The following MAFG variants were observed in gnomAD, a reference collection of about 807,000 sequenced individuals.
The protein encoded by MAFG is MAF bZIP transcription factor G.
Under a neutral mutation model 12.2 loss-of-function variants are expected in MAFG, and 3 were observed. The observed-to-expected ratio is 0.25, with a 90% CI of 0.11 to 0.64. The LOEUF is 0.64. Ranked by LOEUF, MAFG falls within the 30% of genes least tolerant of loss-of-function variation. The pLI is 0.85. For missense variants in MAFG, 153 were observed against 235.5 expected (o/e 0.65, Z 2.29); for synonymous variants, 126 against 109.1 (o/e 1.15, Z -0.96).
upstream of MAFG, chr17:81,928,492 G>C (rs569831079): frequency 2.1e-4 from 32 of 152,362 alleles, no homozygotes; most frequent in African/African-American, 6.5e-4. The surrounding 1 kb of genome is among the most constrained non-coding windows in gnomAD (Gnocchi z 8.1). Flanking sequence ...GTCCTCCTGG[G>C]CTCCGTCCAT....
rs1191021969 is a variant in MAFG at position 81,923,221 on chromosome 17, G to A, written c.-29-7C>T. ...CACAGCGAGCAGGCGCTCTCTGCAAGACACGGAGCAGGTCAGTACCCTGGA... is the reference window on the plus strand; with the variant it reads ...CACAGCGAGCAGGCGCTCTCTGCAAAACACGGAGCAGGTCAGTACCCTGGA... On this transcript the variant is annotated splice_polypyrimidine_tract_variant and splice_region_variant and intron_variant, in intron 1 of 2. Coordinates refer to ENST00000357736, the MANE Select transcript of MAFG (RefSeq NM_002359.4). 1.3e-6 allele frequency: 2 copies of A among 1,487,786 alleles called. No homozygotes were observed. The highest frequency in any genetic ancestry group is 1.8e-6 in the Non-Finnish European group (2 of 1,101,198). The allele number at this position is 1,487,786 out of a possible 1,614,324, so 92.2% of individuals were successfully genotyped here.
chr17:81,922,369 G>T lies in MAFG; in HGVS notation c.*236C>A. Reference sequence around the variant, plus strand: ...GCCCTGGTACAAAAGGGGTTGGGGCGACCCCACGTCACCGCCGAACTGACC... The same window carrying T: ...GCCCTGGTACAAAAGGGGTTGGGGCTACCCCACGTCACCGCCGAACTGACC... On this transcript the variant is annotated 3_prime_UTR_variant, in exon 3 of 3. Transcript: ENST00000357736. 1 of 360,800 alleles carries T rather than the reference G, an allele frequency of 2.8e-6. No individual in the cohort carries two copies. The highest frequency in any genetic ancestry group is 4.4e-5 in the East Asian group (1 of 22,848). 22.3% of individuals were successfully genotyped at this position (360,800 alleles called of 1,614,324 possible).
At chr17:81,927,006 GA>G (rs1162470580) in intron 1 of MAFG, among the ~76,000 whole-genome samples, 1 of 152,140 alleles carries the variant, frequency 6.6e-6, no homozygotes, top group African/African-American at 2.4e-5. Context: ...GCACGCGACT[GA>G]CGGAACCCGA....
Position 81,921,753 on chromosome 17 carries a change from A to G in MAFG, c.*852T>C, listed in dbSNP as rs2040891826. 6.7e-6 allele frequency: 1 copy of G among 148,252 alleles called. No homozygotes were observed. Among genetic ancestry groups the G allele is most frequent in the African/African-American group, 2.5e-5 (1 of 39,912 alleles). 9.2% of individuals were successfully genotyped at this position (148,252 alleles called of 1,614,324 possible). On this transcript the variant is annotated 3_prime_UTR_variant, in exon 3 of 3. Coordinates refer to ENST00000357736, the MANE Select transcript of MAFG (RefSeq NM_002359.4). Reference sequence around the variant, plus strand: ...ATACTTTCTTCCCTTTTCCATTCATATGGTCAAATGGTCTTCTTGCTTGTT... The same window carrying G: ...ATACTTTCTTCCCTTTTCCATTCATGTGGTCAAATGGTCTTCTTGCTTGTT...
At position 81,922,534 on chromosome 17, in the gene MAFG, A is replaced by T; in HGVS notation, c.*71T>A. ...GAGGAAAGAGAAGAGAAGGAAACAG[A>T]GGGACAGGGCAGCCAAATTCGCCAT... On this transcript the variant is annotated 3_prime_UTR_variant, in exon 3 of 3. Transcript: ENST00000357736. The T allele has an allele frequency of 8.6e-7, 1 of 1,168,962 alleles. No homozygotes were observed. The highest frequency in any genetic ancestry group is 1.1e-6 in the Non-Finnish European group (1 of 871,136). The allele number at this position is 1,168,962 out of a possible 1,614,324, so 72.4% of individuals were successfully genotyped here.
At chr17:81,927,155 C>T (rs1159409804) in intron 1 of MAFG, among the ~76,000 whole-genome samples, 3 of 151,686 alleles carry the variant, frequency 2.0e-5, no homozygotes, top group Non-Finnish European at 4.4e-5. Flanking sequence ...GCCGCCGGGC[C>T]CTGGCGCGGA....
At chr17:81,927,481 G>C (rs1448498910) in intron 1 of MAFG, 47 bp downstream of exon 1, 9 of 145,584 alleles carry the variant, frequency 6.2e-5, no homozygotes, top group African/African-American at 2.2e-4. Context: ...CGCCGCCCCC[G>C]CCGCGCCGCC....
upstream of MAFG, among the ~76,000 whole-genome samples, chr17:81,929,150 C>T (rs963758704): frequency 1.3e-5 from 2 of 152,232 alleles, no homozygotes; most frequent in South Asian, 2.1e-4. This position sits in a 1 kb window ranked among gnomAD's most constrained non-coding sequence, Gnocchi z 5.7. Context: ...GGGTCGAGCC[C>T]GCTCTCATTT....
rs1437205758 is a variant in MAFG at position 81,924,957 on chromosome 17, T to C, written c.-29-1743A>G. 2.0e-5 allele frequency among the ~76,000 whole-genome samples: 3 copies of C among 152,224 alleles called. No individual in the cohort carries two copies. The highest frequency in any genetic ancestry group is 4.4e-5 in the Non-Finnish European group (3 of 68,030). On this transcript the variant is annotated intron_variant, in intron 1 of 2. Coordinates refer to ENST00000357736, the MANE Select transcript of MAFG (RefSeq NM_002359.4). The surrounding 1 kb of genome is among the most constrained non-coding windows in gnomAD (Gnocchi z 4.7). ...GGAAAAGTGCCTCCTCGACAGATTT[T>C]GCCCTCCGCAGAAGGCCTGAACTCA...
At chr17:81,929,319 G>T (rs1450226938), upstream of MAFG, among the ~76,000 whole-genome samples, 1 of 152,198 alleles carries the variant, frequency 6.6e-6, no homozygotes. The surrounding 1 kb of genome is among the most constrained non-coding windows in gnomAD (Gnocchi z 5.7). Flanking sequence ...AGGCTCCTTT[G>T]CTGCCCCTCA....
rs146749740 is a variant in MAFG at position 81,925,678 on chromosome 17, G to A, written c.-30+1850C>T. On this transcript the variant is annotated intron_variant, in intron 1 of 2. Transcript: ENST00000357736. ...AAAAAAATAGCCGGGCGTCGTGGTG[G>A]GCGCCTGTAGTCCCAGCTACTCGGG... 6.7e-3 allele frequency among the ~76,000 whole-genome samples: 1,017 copies of A among 152,028 alleles called. 11 individuals are homozygous for A. Among genetic ancestry groups the A allele is most frequent in the African/African-American group, 0.024 (984 of 41,446 alleles).
At position 81,921,132 on chromosome 17, in the gene MAFG, TA is replaced by T. The variant is rs2040884891; in HGVS notation, c.*1472del. On this transcript the variant is annotated 3_prime_UTR_variant, in exon 3 of 3. Coordinates refer to ENST00000357736, the MANE Select transcript of MAFG (RefSeq NM_002359.4). Reference sequence around the variant, plus strand: ...CGCCCCAAGGGACCCCAGTTTCACCTACCCCGCCACTAGATCAGCCCAAGCC... The same window carrying T: ...CGCCCCAAGGGACCCCAGTTTCACCTCCCCGCCACTAGATCAGCCCAAGCC... The T allele has an allele frequency of 6.6e-6, 1 of 152,000 alleles. No homozygotes were observed. The highest frequency in any genetic ancestry group is 2.4e-5 in the African/African-American group (1 of 41,320). The allele number at this position is 152,000 out of a possible 1,614,324, so 9.4% of individuals were successfully genotyped here.
At position 81,926,709 on chromosome 17, in the gene MAFG, G is replaced by A. The variant is rs1029307735; in HGVS notation, c.-30+819C>T. Among the ~76,000 whole-genome samples the A allele has an allele frequency of 2.0e-5, 3 of 152,170 alleles. No homozygotes were observed. The highest frequency in any genetic ancestry group is 6.5e-5 in the Admixed American group (1 of 15,286). ...GCCGGAAAAGAGCCGCCTGGGAAGG[G>A]GTGGACCGCCCGGGGCTTCACCTTT... On this transcript the variant is annotated intron_variant, in intron 1 of 2. Coordinates refer to ENST00000357736, the MANE Select transcript of MAFG (RefSeq NM_002359.4). This position sits in a 1 kb window ranked among gnomAD's most constrained non-coding sequence, Gnocchi z 4.6.
chr17:81,925,807 CAAAAAAAAAA>C (rs753192299), intron 1 of MAFG, among the ~76,000 whole-genome samples: 1 of 47,270 alleles, frequency 2.1e-5, no homozygotes, highest in Non-Finnish European at 4.6e-5. Flanking sequence ...GACTCCGTCT[CAAAAAAAAAA>C]AAAAAAAAAG....
At chr17:81,929,495 GGTCA>G (rs2040967974), upstream of MAFG, 2 of 152,318 alleles carry the variant, frequency 1.3e-5, no homozygotes, top group African/African-American at 4.8e-5. The surrounding 1 kb of genome is among the most constrained non-coding windows in gnomAD (Gnocchi z 5.7). Context: ...GGTGTTCCGT[GGTCA>G]GTGAGGGCTG....
chr17:81,929,257 CT>C (rs1381772890), upstream of MAFG, among the ~76,000 whole-genome samples: 4 of 152,232 alleles, frequency 2.6e-5, no homozygotes, highest in Admixed American at 2.0e-4. This position sits in a 1 kb window ranked among gnomAD's most constrained non-coding sequence, Gnocchi z 5.7. Context: ...TCCCTGGGCA[CT>C]GTCATAGAGA....
chr17:81,922,755 C>A lies in MAFG; in HGVS notation c.339G>T (p.Ala113=). 1.3e-6 allele frequency: 2 copies of A among 1,590,022 alleles called. No individual in the cohort carries two copies. Among genetic ancestry groups the A allele is most frequent in the Admixed American group, 1.8e-5 (1 of 56,990 alleles). ...ELDALRSKYE[A]LQTFARTVAR... ...CCACCGTCCGGGCGAAGGTCTGCAG[C>A]GCCTCGTACTTGGAGCGCAGCGCGT... Residue 113 remains alanine (A), a synonymous_variant, in exon 3 of 3, where the codon GCG becomes GCT. Coordinates refer to ENST00000357736, the MANE Select transcript of MAFG (RefSeq NM_002359.4).
Position 81,922,265 on chromosome 17 carries a change from G to C in MAFG, c.*340C>G, listed in dbSNP as rs2040898039. 1 of 182,422 alleles carries C rather than the reference G, an allele frequency of 5.5e-6. No individual in the cohort carries two copies. The highest frequency in any genetic ancestry group is 1.1e-5 in the Non-Finnish European group (1 of 88,486). 11.3% of individuals were successfully genotyped at this position (182,422 alleles called of 1,614,324 possible). On this transcript the variant is annotated 3_prime_UTR_variant, in exon 3 of 3. Transcript: ENST00000357736. Reference sequence around the variant, plus strand: ...ACTGCTCGGGGACACGCGAGGCCCAGCGTGCCTGCTCCTTCTCTCTCCCGC... The same window carrying C: ...ACTGCTCGGGGACACGCGAGGCCCACCGTGCCTGCTCCTTCTCTCTCCCGC...
At position 81,923,129 on chromosome 17, in the gene MAFG, C is replaced by T. The variant is rs919955659; in HGVS notation, c.36+21G>A. ...GTGCCCCCCGACCCCAGCCCACAGGCTCCTGTCCCTGCCCACTCACCTTCA... is the reference window on the plus strand; with the variant it reads ...GTGCCCCCCGACCCCAGCCCACAGGTTCCTGTCCCTGCCCACTCACCTTCA... On this transcript the variant is annotated intron_variant, in intron 2 of 2. Coordinates refer to ENST00000357736, the MANE Select transcript of MAFG (RefSeq NM_002359.4). The T allele has an allele frequency of 6.2e-6, 10 of 1,612,082 alleles. No individual in the cohort carries two copies. The Admixed American group carries it at 8.3e-5, about 13-fold the overall frequency.
Sources: allele counts gnomAD v4.1 joint callset (sites outside exome capture counted in the v4.1 genomes callset), GRCh38; gene constraint gnomAD v4.1.1; non-coding constraint Gnocchi (gnomAD v3.1); transcripts MANE v1.5; gene names NCBI Gene and HGNC (gene_info 2026-07-23, HGNC 2026-07-21).